Variants in SPEF2 observed in about 807,000 individuals in gnomAD.
The protein encoded by SPEF2 is sperm flagellar and cilia associated 2.
A neutral mutation model predicts 224.6 loss-of-function variants in SPEF2; 187 were observed. The observed-to-expected ratio is 0.83, with a 90% CI of 0.74 to 0.94. The LOEUF (loss-of-function observed/expected upper bound fraction) is 0.94. SPEF2 is among the 40% of genes least tolerant of loss of function. The probability of loss-of-function intolerance (pLI) is 0.00; values close to 1 mark genes in which losing one functional copy is unlikely to be tolerated. For synonymous variants in SPEF2, 715 were observed against 707.3 expected (o/e 1.01, Z -0.17); for missense variants, 2,170 against 2,135.6 (o/e 1.02, Z -0.32).
intron 10 of SPEF2, chr5:35,670,813 A>G: frequency 1.0e-6 from 1 of 976,524 alleles, no homozygotes; most frequent in South Asian, 4.7e-5. Context: ...ACCTTAGGTG[A>G]CCAGTTCATT....
intron 1 of SPEF2, among the ~76,000 whole-genome samples, chr5:35,621,198 C>A (rs901116474): frequency 1.3e-5 from 2 of 152,056 alleles, no homozygotes; most frequent in African/African-American, 4.8e-5. Flanking sequence ...ATTGTGGGAG[C>A]TTGTGGAAAA....
At chr5:35,763,394 T>A in intron 25 of SPEF2, 128 bp from the exon 26 acceptor site, 1 of 877,546 alleles carries the variant, frequency 1.1e-6, no homozygotes, top group East Asian at 2.8e-5. Flanking sequence ...ATTAAAATAA[T>A]TCTTTCAGGA....
At chr5:35,653,145 C>T (rs936883456) in intron 6 of SPEF2, among the ~76,000 whole-genome samples, 1 of 152,218 alleles carries the variant, frequency 6.6e-6, no homozygotes. Flanking sequence ...CTGTACCAAG[C>T]CCCCATTTGA....
intron 8 of SPEF2, among the ~76,000 whole-genome samples, chr5:35,659,726 A>G (rs180756444): frequency 6.6e-6 from 1 of 152,046 alleles, no homozygotes; most frequent in East Asian, 1.9e-4. Context: ...TCCTTGAGTC[A>G]TTACTTTTTT....
chr5:35,701,371 C>G (rs1050667552), intron 16 of SPEF2, among the ~76,000 whole-genome samples: 1 of 152,130 alleles, frequency 6.6e-6, no homozygotes, highest in African/African-American at 2.4e-5. Flanking sequence ...TTGTTCTAAG[C>G]CTTGGTGTCA....
Position 35,667,093 on chromosome 5 carries a change from A to T in SPEF2, c.1189A>T (p.Ile397Phe), listed in dbSNP as rs1200745669. ...REAALAKQAK[I>F]DFEEQFLKEK... Reference sequence around the variant, plus strand: ...TTAGGCTTTGGCAAAACAAGCCAAGATTGACTTTGAAGAACAATTCCTTAA... The same window carrying T: ...TTAGGCTTTGGCAAAACAAGCCAAGTTTGACTTTGAAGAACAATTCCTTAA... The change falls in exon 9 of 37, where the codon ATT becomes TTT. Residue 397 changes from isoleucine to phenylalanine, a missense_variant. Transcript: ENST00000356031. The T allele has an allele frequency of 3.1e-6, 5 of 1,607,278 alleles. No homozygotes were observed. In the South Asian group the frequency reaches 5.7e-5, roughly 18 times the overall value.
intron 16 of SPEF2, among the ~76,000 whole-genome samples, chr5:35,701,956 G>T (rs1213397419): frequency 6.6e-6 from 1 of 152,122 alleles, no homozygotes; most frequent in African/African-American, 2.4e-5. Flanking sequence ...TTCAACCTGG[G>T]TAACAGAGTG....
intron 4 of SPEF2, among the ~76,000 whole-genome samples, chr5:35,644,926 C>T (rs909610976): frequency 6.6e-6 from 1 of 152,226 alleles, no homozygotes; most frequent in Non-Finnish European, 1.5e-5. Flanking sequence ...TCCTCTTTTG[C>T]AACCTTCGGT....
chr5:35,770,496 C>G (rs1264521212), intron 26 of SPEF2, among the ~76,000 whole-genome samples: 2 of 152,148 alleles, frequency 1.3e-5, no homozygotes, highest in Non-Finnish European at 2.9e-5. Flanking sequence ...ACCAACATCT[C>G]CCCTTTCCCT....
rs984217499 is a variant in SPEF2 at position 35,618,182 on chromosome 5, G to A, written c.58+127G>A. ...GCTGCACAGGTGGGGCACCTGCGTA[G>A]CCGGCAGCATCCCACAGTGAGCAAC... On this transcript the variant is annotated intron_variant, in intron 1 of 36. Transcript: ENST00000356031. The A allele has an allele frequency of 1.6e-5, 16 of 1,009,318 alleles. No individual in the cohort carries two copies. In the African/African-American group the frequency reaches 2.6e-4, roughly 16 times the overall value. The allele number at this position is 1,009,318 out of a possible 1,614,324, so 62.5% of individuals were successfully genotyped here. A position where few individuals can be genotyped will look rare whatever the true frequency, so the allele number is the denominator to read the frequency against.
chr5:35,808,512 T>A (rs1758328923), intron 36 of SPEF2, among the ~76,000 whole-genome samples: 2 of 152,008 alleles, frequency 1.3e-5, no homozygotes, highest in Admixed American at 1.3e-4. Flanking sequence ...TGGTTTTCTG[T>A]CCTTGCGATA....
At chr5:35,631,625 A>C (rs1156294091) in intron 2 of SPEF2, among the ~76,000 whole-genome samples, 1 of 152,232 alleles carries the variant, frequency 6.6e-6, no homozygotes, top group African/African-American at 2.4e-5. Context: ...CCCAAGAGAA[A>C]TGAAAACCTA....
chr5:35,724,016 A>G (rs2149643624), intron 20 of SPEF2, among the ~76,000 whole-genome samples: 1 of 152,304 alleles, frequency 6.6e-6, no homozygotes, highest in Non-Finnish European at 1.5e-5. Flanking sequence ...ACCTCTTATA[A>G]AGTACCTTTT....
At chr5:35,670,009 CTA>C (rs780371074) in intron 9 of SPEF2, 48 bp from the exon 10 acceptor site, 1 of 1,382,654 alleles carries the variant, frequency 7.2e-7, no homozygotes, top group Non-Finnish European at 9.9e-7. Flanking sequence ...TGTTTAAAAT[CTA>C]TATTTGACTA....
intron 1 of SPEF2, among the ~76,000 whole-genome samples, chr5:35,620,351 G>A (rs1278420648): frequency 6.6e-6 from 1 of 152,148 alleles, no homozygotes; most frequent in Non-Finnish European, 1.5e-5. Flanking sequence ...CAAGAACTTG[G>A]AGGTTAGACT....
intron 10 of SPEF2, 83 bp downstream of exon 10, chr5:35,670,310 A>G (rs1751065173): frequency 6.8e-7 from 1 of 1,481,454 alleles, no homozygotes; most frequent in Admixed American, 2.5e-5. Context: ...TCCTTATTTC[A>G]TTTCTACTAA....
chr5:35,671,483 G>T (rs542049507), intron 10 of SPEF2: 127 of 980,844 alleles, frequency 1.3e-4, no homozygotes, highest in Non-Finnish European at 1.5e-4. Context: ...TCCACCTAAA[G>T]TATAATGCCA....
intron 24 of SPEF2, among the ~76,000 whole-genome samples, chr5:35,755,358 A>C (rs1396453496): frequency 1.3e-5 from 2 of 152,154 alleles, no homozygotes; most frequent in African/African-American, 2.4e-5. Context: ...ATAGCTGAAA[A>C]CCAATAATGA....
In SPEF2 at chr5:35,739,353, A is replaced by G. The variant is rs528556503; in HGVS notation, c.3064-566A>G. Among the ~76,000 whole-genome samples the G allele has an allele frequency of 1.2e-4, 19 of 152,258 alleles. No individual in the cohort carries two copies. The East Asian group carries it at 1.7e-3, about 14-fold the overall frequency. The stretch of plus-strand genomic sequence containing the variant: ...AGAACCTCAGTGGATGACCTTGCAG[A>G]CTTGTTGTATCTGGGTAGGATTTCT... On this transcript the variant is annotated intron_variant, in intron 21 of 36. Coordinates refer to ENST00000356031, the MANE Select transcript of SPEF2 (RefSeq NM_024867.4).
Sources: allele counts gnomAD v4.1 joint callset (sites outside exome capture counted in the v4.1 genomes callset), GRCh38; gene constraint gnomAD v4.1.1; transcripts MANE v1.5; gene names NCBI Gene and HGNC (gene_info 2026-07-23, HGNC 2026-07-21).